COG2: variants seen among roughly 807,000 people sequenced by gnomAD.
COG2 encodes the protein conserved oligomeric Golgi complex subunit 2.
COG2 carries 52 observed loss-of-function variants against 90.6 expected under a neutral mutation model. The ratio of observed to expected loss-of-function variants is 0.57; its 90% confidence interval spans 0.46 to 0.72. The LOEUF (loss-of-function observed/expected upper bound fraction) is 0.72, where lower values mean the gene tolerates loss of function less well. Ranked by LOEUF, COG2 falls within the 30% of genes least tolerant of loss-of-function variation. The pLI is 0.00. For missense variants in COG2, 829 were observed against 891.2 expected, an observed-to-expected ratio of 0.93 and a Z score of 0.89; for synonymous variants, 337 against 320.4, an observed-to-expected ratio of 1.05 and a Z score of -0.55.
rs971012682 is a variant in COG2 at position 230,692,482 on chromosome 1, G to A, written c.2116-810G>A. Among the ~76,000 whole-genome samples the A allele has an allele frequency of 9.9e-5, 15 of 151,952 alleles. No individual in the cohort carries two copies. The East Asian group carries it at 1.2e-3, about 12-fold the overall frequency. ...TGAGATGAATTTAGAGATATATCCC[G>A]GTAAAAGTCAACTGCCATGTTTCTT... On this transcript the variant is annotated intron_variant, in intron 17 of 17. Transcript: ENST00000366669.
chr1:230,687,141 G>A lies in COG2; in HGVS notation c.1578+9G>A. ...ACAAGCTTCAGGAGCAGGTAAGCCT[G>A]TGTCCCAGAATAATTCCAGGTGCTT... On this transcript the variant is annotated intron_variant, in intron 13 of 17. Coordinates refer to ENST00000366669, the MANE Select transcript of COG2 (RefSeq NM_007357.3). The A allele has an allele frequency of 6.2e-7, 1 of 1,603,796 alleles. No individual in the cohort carries two copies.
rs189659467 is a variant in COG2, at chr1:230,653,147, C to T, written c.73-6317C>T. 2.4e-4 allele frequency among the ~76,000 whole-genome samples: 37 copies of T among 152,144 alleles called. 1 individual carries two copies. Among genetic ancestry groups the T allele is most frequent in the Admixed American group, 1.4e-3 (21 of 15,276 alleles). ...TTATATCATTTGACATTACTCCCAA[C>T]GCCAATCCCCATTCTCCAGCACCTA... On this transcript the variant is annotated intron_variant, in intron 1 of 17. Transcript: ENST00000366669.
intron 10 of COG2, chr1:230,680,315 T>C (rs1204255450): frequency 2.0e-5 from 3 of 152,258 alleles, no homozygotes; most frequent in Non-Finnish European, 4.4e-5. Context: ...TATCTAATGC[T>C]GTCACCTCAC....
intron 8 of COG2, among the ~76,000 whole-genome samples, chr1:230,674,621 G>A (rs753213485): frequency 1.3e-5 from 2 of 152,186 alleles, no homozygotes; most frequent in African/African-American, 2.4e-5. Flanking sequence ...GTTTAGTGGT[G>A]TTCAGTAATG....
chr1:230,691,194 T>TATAC (rs1663016763), intron 16 of COG2, among the ~76,000 whole-genome samples, 190 bp from the exon 17 acceptor site: 1 of 152,086 alleles, frequency 6.6e-6, no homozygotes, highest in Non-Finnish European at 1.5e-5. Flanking sequence ...TATACGTATA[T>TATAC]ACATGTATAT....
chr1:230,659,631 C>T lies in COG2; in HGVS notation c.234+6C>T. On this transcript the variant is annotated splice_donor_region_variant and intron_variant, in intron 2 of 17. Coordinates refer to ENST00000366669, the MANE Select transcript of COG2 (RefSeq NM_007357.3). ...TCAATCTTTCAACAAACTTGGTAAA[C>T]TTTAAATCCACGGTCCCATTTACAT... 1 of 1,612,518 alleles carries T rather than the reference C, an allele frequency of 6.2e-7. No homozygotes were observed.
chr1:230,672,890 G>A (rs79299057), intron 8 of COG2, among the ~76,000 whole-genome samples: 2,232 of 152,190 alleles, frequency 0.015, 43 homozygotes, highest in African/African-American at 0.051. Context: ...TTTAATGATC[G>A]AAAGGCAAAT....
rs762470682 is a variant in COG2 at position 230,664,588 on chromosome 1, G to T, written c.485+1G>T. 4 of 1,476,492 alleles carry T rather than the reference G, an allele frequency of 2.7e-6. No individual in the cohort carries two copies. The African/African-American group carries it at 4.3e-5, about 16-fold the overall frequency. The allele number at this position is 1,476,492 out of a possible 1,614,324, so 91.5% of individuals were successfully genotyped here. On this transcript the variant is annotated splice_donor_variant, in intron 5 of 17. Transcript: ENST00000366669. LOFTEE classifies it high-confidence loss of function. ...AAACCTCTGCACTAGAAGCAAGCAG[G>T]TAAGTATTTTTTATTAAATAACTCG...
At chr1:230,660,426 T>C (rs1232764166) in intron 2 of COG2, among the ~76,000 whole-genome samples, 1 of 152,228 alleles carries the variant, frequency 6.6e-6, no homozygotes. Flanking sequence ...ATATTGTAAA[T>C]TACAGACAGA....
At chr1:230,660,522 A>T (rs1353502158) in intron 2 of COG2, among the ~76,000 whole-genome samples, 1 of 152,154 alleles carries the variant, frequency 6.6e-6, no homozygotes, top group Non-Finnish European at 1.5e-5. Context: ...GCTTTTATTT[A>T]TTATGACTTC....
intron 9 of COG2, among the ~76,000 whole-genome samples, chr1:230,676,436 C>CCTTCTT (rs1662598533): frequency 6.6e-6 from 1 of 152,078 alleles, no homozygotes; most frequent in Admixed American, 6.5e-5. Context: ...TTTATGTTCT[C>CCTTCTT]GAGCCTTCTC....
chr1:230,664,479 T>G lies in COG2; in HGVS notation c.382-5T>G. ...ATAACTTTTTTCCTTAATTTTTATT[T>G]ATAGATGTGTGTATTGAGGCTTATA... On this transcript the variant is annotated splice_polypyrimidine_tract_variant and splice_region_variant and intron_variant, in intron 4 of 17. Coordinates refer to ENST00000366669, the MANE Select transcript of COG2 (RefSeq NM_007357.3). 1.5e-6 allele frequency: 2 copies of G among 1,290,394 alleles called. No homozygotes were observed. Among genetic ancestry groups the G allele is most frequent in the Non-Finnish European group, 2.1e-6 (2 of 932,506 alleles). The allele number at this position is 1,290,394 out of a possible 1,614,324, so 79.9% of individuals were successfully genotyped here.
At chr1:230,652,805 G>A (rs756077580) in intron 1 of COG2, among the ~76,000 whole-genome samples, 1 of 151,978 alleles carries the variant, frequency 6.6e-6, no homozygotes, top group Non-Finnish European at 1.5e-5. Context: ...CAGATCTTTC[G>A]CTCATTTTAA....
chr1:230,662,032 C>CCTCCT (rs879684620), intron 3 of COG2, among the ~76,000 whole-genome samples: 16 of 151,696 alleles, frequency 1.1e-4, no homozygotes, highest in African/African-American at 2.2e-4. Flanking sequence ...CTCTCCTCTC[C>CCTCCT]CTCCTCTCCT....
At chr1:230,659,073 A>AT (rs534439225) in intron 1 of COG2, among the ~76,000 whole-genome samples, 29 of 150,274 alleles carry the variant, frequency 1.9e-4, no homozygotes, top group South Asian at 6.3e-4. Context: ...AATTTCAGTG[A>AT]TTTTTTTTTT....
chr1:230,660,780 A>G lies in COG2; in HGVS notation c.257A>G (p.Asn86Ser). ...TAGGTTGGCATGGACAAAGCCCTCAACCAGCTTTCTGTGCCTTTGGGACAA... is the reference window on the plus strand; with the variant it reads ...TAGGTTGGCATGGACAAAGCCCTCAGCCAGCTTTCTGTGCCTTTGGGACAA... ...TNLVGMDKALNQLSVPLGQLR... is the reference protein window; with the variant it reads ...TNLVGMDKALSQLSVPLGQLR... The change falls in exon 3 of 18, where the codon AAC (asparagine) becomes AGC (serine). Residue 86 changes from asparagine (N) to serine (S), a missense_variant. Physicochemically the swap from Asn to Ser is conservative, Grantham distance 46. Coordinates refer to ENST00000366669, the MANE Select transcript of COG2 (RefSeq NM_007357.3). The G allele has an allele frequency of 6.3e-7, 1 of 1,587,974 alleles. No homozygotes were observed. The highest frequency in any genetic ancestry group is 1.7e-4 in the Middle Eastern group (1 of 5,998).
At chr1:230,665,203 A>G (rs1030982031) in intron 5 of COG2, among the ~76,000 whole-genome samples, 8 of 152,174 alleles carry the variant, frequency 5.3e-5, no homozygotes, top group African/African-American at 9.7e-5. Flanking sequence ...CAGTGGAAAG[A>G]GCATGGGCTT....
At chr1:230,647,200 C>T (rs558536162) in intron 1 of COG2, among the ~76,000 whole-genome samples, 66 of 152,112 alleles carry the variant, frequency 4.3e-4, no homozygotes, top group Non-Finnish European at 6.0e-4. Flanking sequence ...TGGACAGTTT[C>T]TATTGATTAG....
intron 1 of COG2, among the ~76,000 whole-genome samples, chr1:230,653,385 T>C (rs1364948649): frequency 2.6e-5 from 4 of 151,974 alleles, no homozygotes; most frequent in Admixed American, 2.6e-4. Flanking sequence ...CACGCCGGGC[T>C]AATTTTTGTA....
Sources: allele counts gnomAD v4.1 joint callset (sites outside exome capture counted in the v4.1 genomes callset), GRCh38; gene constraint gnomAD v4.1.1; transcripts MANE v1.5; gene names NCBI Gene and HGNC (gene_info 2026-07-23, HGNC 2026-07-21).